IMMP2L: variants seen among roughly 807,000 people sequenced by gnomAD.
IMMP2L encodes the protein inner mitochondrial membrane peptidase subunit 2.
In IMMP2L, 18 loss-of-function variants were observed where a neutral mutation model predicts 19.3. The observed-to-expected ratio is 0.93, with a 90% CI of 0.64 to 1.38. IMMP2L has a LOEUF of 1.38. Among genes scored for constraint, IMMP2L ranks in the 40% most tolerant of loss-of-function variants. The probability of loss-of-function intolerance (pLI) is 0.00; values close to 1 mark genes in which losing one functional copy is unlikely to be tolerated. For synonymous variants in IMMP2L, 76 were observed against 73.0 expected (o/e 1.04, Z -0.21); for missense variants, 233 against 218.2 (o/e 1.07, Z -0.43).
At chr7:111,007,764 C>T (rs1199465002) in intron 3 of IMMP2L, among the ~76,000 whole-genome samples, 1 of 151,784 alleles carries the variant, frequency 6.6e-6, no homozygotes, top group East Asian at 1.9e-4. Context: ...TGTATTCAAT[C>T]CAAACTTCTC....
chr7:111,178,116 C>T (rs370526412), intron 3 of IMMP2L, among the ~76,000 whole-genome samples: 1 of 151,914 alleles, frequency 6.6e-6, no homozygotes, highest in Non-Finnish European at 1.5e-5. Context: ...ACAGGCGTAC[C>T]TTGGAGATAT....
chr7:111,020,690 A>C (rs1826191040), intron 3 of IMMP2L, among the ~76,000 whole-genome samples: 1 of 152,126 alleles, frequency 6.6e-6, no homozygotes, highest in African/African-American at 2.4e-5. Flanking sequence ...TGAGCCCAGA[A>C]GGGCAAGGTT....
At chr7:110,715,640 T>G (rs1195862258) in intron 5 of IMMP2L, among the ~76,000 whole-genome samples, 4 of 152,202 alleles carry the variant, frequency 2.6e-5, no homozygotes, top group Non-Finnish European at 5.9e-5. Flanking sequence ...TATGTTCATA[T>G]GATTTCAGCT....
intron 1 of IMMP2L, among the ~76,000 whole-genome samples, chr7:111,522,754 ACC>A (rs1265703484): frequency 6.6e-6 from 1 of 151,970 alleles, no homozygotes; most frequent in Admixed American, 6.6e-5. Flanking sequence ...AAATAGAACT[ACC>A]ACATGATTCT....
chr7:110,968,747 A>G (rs996605798), intron 3 of IMMP2L, among the ~76,000 whole-genome samples: 1 of 152,122 alleles, frequency 6.6e-6, no homozygotes, highest in Non-Finnish European at 1.5e-5. Flanking sequence ...AATGTGTAGT[A>G]CCTGAGGGCA....
intron 5 of IMMP2L, among the ~76,000 whole-genome samples, chr7:110,768,772 C>T (rs1158506514): frequency 3.3e-5 from 5 of 152,108 alleles, no homozygotes; most frequent in African/African-American, 9.7e-5. Flanking sequence ...GCCCTTATAG[C>T]GACATGTTGT....
intron 4 of IMMP2L, among the ~76,000 whole-genome samples, chr7:110,953,180 T>A (rs1818009807): frequency 6.6e-6 from 1 of 152,132 alleles, no homozygotes; most frequent in Non-Finnish European, 1.5e-5. Context: ...AATCTTTTTT[T>A]ATATACTTTA....
chr7:111,043,567 C>T (rs1029886774), intron 3 of IMMP2L, among the ~76,000 whole-genome samples: 15 of 152,128 alleles, frequency 9.9e-5, no homozygotes, highest in Non-Finnish European at 1.8e-4. Flanking sequence ...TCATTTCCTT[C>T]TAAATATTAT....
intron 5 of IMMP2L, among the ~76,000 whole-genome samples, chr7:110,778,510 C>T (rs1799540519): frequency 6.6e-6 from 1 of 151,904 alleles, no homozygotes; most frequent in East Asian, 1.9e-4. Context: ...CTATTACCAC[C>T]AGAATTTAGC....
At chr7:111,551,471 G>C (rs1849446311) in intron 1 of IMMP2L, among the ~76,000 whole-genome samples, 1 of 147,250 alleles carries the variant, frequency 6.8e-6, no homozygotes. Context: ...TAGTATGTTA[G>C]GTATGTTAGG....
intron 4 of IMMP2L, among the ~76,000 whole-genome samples, chr7:110,916,988 T>C (rs1351037946): frequency 1.3e-5 from 2 of 152,110 alleles, no homozygotes; most frequent in African/African-American, 2.4e-5. Context: ...TGATGTTCTT[T>C]GGAAAAAGGG....
At chr7:111,370,705 G>C (rs899039024) in intron 3 of IMMP2L, among the ~76,000 whole-genome samples, 4 of 151,828 alleles carry the variant, frequency 2.6e-5, no homozygotes, top group African/African-American at 9.7e-5. Context: ...TTAGTGGCTT[G>C]ACAAAAAGGC....
intron 3 of IMMP2L, among the ~76,000 whole-genome samples, chr7:110,983,809 G>C: frequency 6.6e-6 from 1 of 151,834 alleles, no homozygotes; most frequent in East Asian, 1.9e-4. Context: ...GGAAGAGAAT[G>C]GGAAAAAGGC....
chr7:110,682,176 G>C (rs1361845563), intron 5 of IMMP2L, among the ~76,000 whole-genome samples: 1 of 152,000 alleles, frequency 6.6e-6, no homozygotes. Context: ...CACAGCTCTG[G>C]ACATTTGTAC....
chr7:110,713,941 T>C (rs748088037), intron 5 of IMMP2L, among the ~76,000 whole-genome samples: 14 of 152,212 alleles, frequency 9.2e-5, no homozygotes, highest in Non-Finnish European at 2.1e-4. Flanking sequence ...CTGATGGCTC[T>C]GGCTAGGAAT....
At chr7:110,842,175 AT>A (rs576183447) in intron 5 of IMMP2L, among the ~76,000 whole-genome samples, 6 of 152,092 alleles carry the variant, frequency 3.9e-5, no homozygotes, top group Admixed American at 3.3e-4. Flanking sequence ...CTATTTGGGG[AT>A]TTTTTTTCCT....
intron 3 of IMMP2L, among the ~76,000 whole-genome samples, chr7:111,360,782 C>T (rs952815229): frequency 1.3e-5 from 2 of 152,062 alleles, no homozygotes; most frequent in Admixed American, 6.6e-5. Context: ...TATGCTGCTG[C>T]ACTATAGCCT....
chr7:111,118,030 C>T (rs1298573034), intron 3 of IMMP2L, among the ~76,000 whole-genome samples: 3 of 152,062 alleles, frequency 2.0e-5, no homozygotes, highest in Non-Finnish European at 4.4e-5. Context: ...TCATAAGTAT[C>T]ACAAAAGACC....
At chr7:111,292,943 C>T (rs1821264410) in intron 3 of IMMP2L, among the ~76,000 whole-genome samples, 1 of 151,880 alleles carries the variant, frequency 6.6e-6, no homozygotes, top group Non-Finnish European at 1.5e-5. Flanking sequence ...GAGCTCATTC[C>T]TCTATAGAAT....
Sources: allele counts gnomAD v4.1 joint callset (sites outside exome capture counted in the v4.1 genomes callset), GRCh38; gene constraint gnomAD v4.1.1; transcripts MANE v1.5; gene names NCBI Gene and HGNC (gene_info 2026-07-23, HGNC 2026-07-21).